DPYSL5: variants seen among roughly 807,000 people sequenced by gnomAD.
DPYSL5 encodes dihydropyrimidinase-related protein 5.
DPYSL5 carries 9 observed loss-of-function variants against 58.4 expected under a neutral mutation model. That is an observed-to-expected ratio of 0.15 (90% CI 0.09 to 0.27). The LOEUF (loss-of-function observed/expected upper bound fraction) is 0.27. Among genes scored for constraint, DPYSL5 ranks in the 10% least tolerant of loss-of-function variants. The pLI is 1.00. For synonymous variants in DPYSL5, 293 were observed against 301.9 expected, an observed-to-expected ratio of 0.97 and a Z score of 0.31; for missense variants, 499 against 770.6, an observed-to-expected ratio of 0.65 and a Z score of 4.17.
intron 5 of DPYSL5, among the ~76,000 whole-genome samples, chr2:26,929,336 C>T (rs1247134789): frequency 6.6e-6 from 1 of 152,100 alleles, no homozygotes; most frequent in Non-Finnish European, 1.5e-5. Flanking sequence ...GGGTTCAAGC[C>T]ATTCTCCTGC....
chr2:26,888,262 T>TTTCTGTCTTTCG (rs1663778994), intron 1 of DPYSL5, among the ~76,000 whole-genome samples: 1 of 149,258 alleles, frequency 6.7e-6, no homozygotes, highest in African/African-American at 2.5e-5. Context: ...TCTTTCTTTC[T>TTTCTGTCTTTCG]TTCTGTCTTT....
At position 26,931,869 on chromosome 2, in the gene DPYSL5, G is replaced by T. The variant is rs1040929486; in HGVS notation, c.714+185G>T. ...CTAAAAATACAAAAATTAGCTGGGCGTGGTGGCGTGCACCTGTAATCCCAG... is the reference window on the plus strand; with the variant it reads ...CTAAAAATACAAAAATTAGCTGGGCTTGGTGGCGTGCACCTGTAATCCCAG... On this transcript the variant is annotated intron_variant, in intron 6 of 12. Transcript: ENST00000288699. 3.3e-5 allele frequency among the ~76,000 whole-genome samples: 5 copies of T among 151,182 alleles called. No homozygotes were observed. In the South Asian group the frequency reaches 8.3e-4, roughly 25 times the overall value.
At chr2:26,932,065 GAAAGAAAGAAAGAAAGAAAA>G (rs1665010009) in intron 6 of DPYSL5, among the ~76,000 whole-genome samples, 4 of 70,450 alleles carry the variant, frequency 5.7e-5, no homozygotes, top group Non-Finnish European at 9.1e-5. Flanking sequence ...AAGAAAGAAA[GAAAGAAAGAAAGAAAGAAAA>G]GAAAAAAGAA....
intron 8 of DPYSL5, among the ~76,000 whole-genome samples, chr2:26,936,945 T>TAAAAAAAAAAAAAAAAAAAAAAAAAAAA (rs55795892): frequency 2.3e-4 from 18 of 77,894 alleles, no homozygotes; most frequent in African/African-American, 7.5e-4. Flanking sequence ...AGACTTCATT[T>TAAAAAAAAAAAAAAAAAAAAAAAAAAAA]AAAAAAAAAA....
intron 5 of DPYSL5, among the ~76,000 whole-genome samples, chr2:26,928,777 A>G (rs1452722544): frequency 1.4e-5 from 2 of 142,752 alleles, no homozygotes; most frequent in African/African-American, 5.2e-5. Flanking sequence ...GTGTGTGTGT[A>G]TAGCATCATT....
Position 26,924,848 on chromosome 2 carries a change from G to C in DPYSL5, c.262-39G>C, listed in dbSNP as rs147178245. The C allele has an allele frequency of 8.3e-5, 133 of 1,599,546 alleles. No individual in the cohort carries two copies. The African/African-American group carries it at 1.6e-3, about 19-fold the overall frequency. ...CACCACATCATTGACTCGGGGGCAG[G>C]CAGGGCTGTGACGAGACTGCCTTTT... is the stretch of plus-strand genomic sequence containing the variant. On this transcript the variant is annotated intron_variant, in intron 2 of 12. Transcript: ENST00000288699. This position sits in a 1 kb window ranked among gnomAD's most constrained non-coding sequence, Gnocchi z 4.7.
At position 26,905,218 on chromosome 2, in the gene DPYSL5, G is replaced by T. The variant is rs1664258274; in HGVS notation, c.261+6458G>T. ...GCTTTATGAAATGCTGCTCCTCCCT[G>T]CAGGAATAACTGATGTCAGCGCCTT... On this transcript the variant is annotated intron_variant, in intron 2 of 12. Coordinates refer to ENST00000288699, the MANE Select transcript of DPYSL5 (RefSeq NM_020134.4). The surrounding 1 kb of genome is among the most constrained non-coding windows in gnomAD (Gnocchi z 4.0). Among the ~76,000 whole-genome samples, 1 of 152,160 alleles carries T rather than the reference G, an allele frequency of 6.6e-6. No individual in the cohort carries two copies. Among genetic ancestry groups the T allele is most frequent in the South Asian group, 2.1e-4 (1 of 4,834 alleles).
chr2:26,849,109 G>A lies in DPYSL5; in HGVS notation c.-5+855G>A, dbSNP rs1426924805. Among the ~76,000 whole-genome samples, 1 of 151,386 alleles carries A rather than the reference G, an allele frequency of 6.6e-6. No individual in the cohort carries two copies. Among genetic ancestry groups the A allele is most frequent in the East Asian group, 2.0e-4 (1 of 5,124 alleles). ...ACAGGTAGTGGGTCTCGGGGAGCAGGGAGTGGGAACTAGGGTTTGAGGAGG... is the reference window on the plus strand; with the variant it reads ...ACAGGTAGTGGGTCTCGGGGAGCAGAGAGTGGGAACTAGGGTTTGAGGAGG... On this transcript the variant is annotated intron_variant, in intron 1 of 12. Transcript: ENST00000288699. This position sits in a 1 kb window ranked among gnomAD's most constrained non-coding sequence, Gnocchi z 6.2.
chr2:26,898,178 G>A lies in DPYSL5; in HGVS notation c.-4-318G>A, dbSNP rs1194083760. Reference sequence around the variant, plus strand: ...GTTGTTTTGGGGATAGTAGAGATATGAGAAATGAGATATGAGAGATAGAAA... The same window carrying A: ...GTTGTTTTGGGGATAGTAGAGATATAAGAAATGAGATATGAGAGATAGAAA... On this transcript the variant is annotated intron_variant, in intron 1 of 12. Coordinates refer to ENST00000288699, the MANE Select transcript of DPYSL5 (RefSeq NM_020134.4). This position sits in a 1 kb window ranked among gnomAD's most constrained non-coding sequence, Gnocchi z 6.1. Among the ~76,000 whole-genome samples the A allele has an allele frequency of 6.6e-6, 1 of 152,166 alleles. No individual in the cohort carries two copies. The highest frequency in any genetic ancestry group is 2.4e-5 in the African/African-American group (1 of 41,430).
chr2:26,934,072 C>T lies in DPYSL5; in HGVS notation c.791-506C>T, dbSNP rs1051773053. 5.3e-5 allele frequency among the ~76,000 whole-genome samples: 8 copies of T among 152,166 alleles called. No homozygotes were observed. The highest frequency in any genetic ancestry group is 1.0e-4 in the Non-Finnish European group (7 of 68,028). ...CTCACTGAAGCCCCTTGGAGGGTCT[C>T]GCCTAGACTGTCGTCCCAGCCTGGT... On this transcript the variant is annotated intron_variant, in intron 7 of 12. Transcript: ENST00000288699. The surrounding 1 kb of genome is among the most constrained non-coding windows in gnomAD (Gnocchi z 4.3).
rs1665603967 is a variant in DPYSL5 at position 26,950,270 on chromosome 2, G to A, written c.*3275G>A. On this transcript the variant is annotated 3_prime_UTR_variant, in exon 13 of 13. Coordinates refer to ENST00000288699, the MANE Select transcript of DPYSL5 (RefSeq NM_020134.4). The surrounding 1 kb of genome is among the most constrained non-coding windows in gnomAD (Gnocchi z 5.3). ...AAGACGACACATGGTCCTGTGCTTTGGCCACCGTTTGAGGCAAAAACTAAA... is the reference window on the plus strand; with the variant it reads ...AAGACGACACATGGTCCTGTGCTTTAGCCACCGTTTGAGGCAAAAACTAAA... 1 of 152,186 alleles carries A rather than the reference G, an allele frequency of 6.6e-6. No individual in the cohort carries two copies. Among genetic ancestry groups the A allele is most frequent in the Non-Finnish European group, 1.5e-5 (1 of 68,056 alleles). 9.4% of individuals were successfully genotyped at this position (152,186 alleles called of 1,614,324 possible). A position where few individuals can be genotyped will look rare whatever the true frequency, so the allele number is the denominator to read the frequency against.
At chr2:26,850,202 C>A (rs1665716313) in intron 1 of DPYSL5, among the ~76,000 whole-genome samples, 1 of 152,242 alleles carries the variant, frequency 6.6e-6, no homozygotes. Context: ...CAGTGCTTTT[C>A]TTTGCCAGTG....
At chr2:26,886,956 C>G (rs1663735186) in intron 1 of DPYSL5, among the ~76,000 whole-genome samples, 1 of 152,188 alleles carries the variant, frequency 6.6e-6, no homozygotes, top group Non-Finnish European at 1.5e-5. Context: ...CCTTTTGATC[C>G]TTTAGCAAAT....
intron 1 of DPYSL5, among the ~76,000 whole-genome samples, chr2:26,853,147 C>G (rs1433002248): frequency 6.6e-6 from 1 of 152,146 alleles, no homozygotes; most frequent in Admixed American, 6.5e-5. Context: ...CAGCTGAGAA[C>G]TTGGAGAATT....
rs1650975928 is a variant in DPYSL5 at position 26,944,029 on chromosome 2, C to T, written c.1441-627C>T. ...ACTTCCGGTTGGGCATGGTGGCTCA[C>T]GCCTGTAATCCCGGAACTTTGGGAG... On this transcript the variant is annotated intron_variant, in intron 11 of 12. Coordinates refer to ENST00000288699, the MANE Select transcript of DPYSL5 (RefSeq NM_020134.4). The surrounding 1 kb of genome is among the most constrained non-coding windows in gnomAD (Gnocchi z 4.4). Among the ~76,000 whole-genome samples, 1 of 152,158 alleles carries T rather than the reference C, an allele frequency of 6.6e-6. No homozygotes were observed. The highest frequency in any genetic ancestry group is 2.4e-5 in the African/African-American group (1 of 41,432).
chr2:26,928,676 A>G lies in DPYSL5; in HGVS notation c.669+353A>G, dbSNP rs562165595. Among the ~76,000 whole-genome samples, 6 of 94,424 alleles carry G rather than the reference A, an allele frequency of 6.4e-5. No individual in the cohort carries two copies. In the South Asian group the frequency reaches 2.5e-3, roughly 40 times the overall value. 61.9% of individuals were successfully genotyped at this position (94,424 alleles called of 152,430 possible). A position where few individuals can be genotyped will look rare whatever the true frequency, so the allele number is the denominator to read the frequency against. On this transcript the variant is annotated intron_variant, in intron 5 of 12. Coordinates refer to ENST00000288699, the MANE Select transcript of DPYSL5 (RefSeq NM_020134.4). ...GTGATGATGCCACTGCAATCCAGCC[A>G]AGGTGATAGAGTATATATATATATA...
intron 1 of DPYSL5, among the ~76,000 whole-genome samples, chr2:26,860,331 G>A (rs1384828002): frequency 6.6e-6 from 1 of 152,106 alleles, no homozygotes; most frequent in South Asian, 2.1e-4. Context: ...TTAGCACAAC[G>A]CCTCTCCCCT....
chr2:26,929,042 C>G (rs1444670301), intron 5 of DPYSL5, among the ~76,000 whole-genome samples: 3 of 151,960 alleles, frequency 2.0e-5, no homozygotes, highest in African/African-American at 7.3e-5. Flanking sequence ...GACCGCAGAG[C>G]AGGAGGTGAG....
At chr2:26,860,452 A>G (rs529158624) in intron 1 of DPYSL5, among the ~76,000 whole-genome samples, 1 of 152,362 alleles carries the variant, frequency 6.6e-6, no homozygotes, top group African/African-American at 2.4e-5. Flanking sequence ...TTCATTGGTG[A>G]AAACTGGCAG....
Sources: allele counts gnomAD v4.1 joint callset (sites outside exome capture counted in the v4.1 genomes callset), GRCh38; gene constraint gnomAD v4.1.1; non-coding constraint Gnocchi (gnomAD v3.1); transcripts MANE v1.5; gene names NCBI Gene and HGNC (gene_info 2026-07-23, HGNC 2026-07-21).